Variants in RGS17 observed in about 807,000 individuals in gnomAD.
The protein encoded by RGS17 is regulator of G-protein signaling 17.
RGS17 carries 12 observed loss-of-function variants against 25.5 expected under a neutral mutation model. That is an observed-to-expected ratio of 0.47 (90% CI 0.30 to 0.76). RGS17 has a LOEUF of 0.76. Among genes scored for constraint, RGS17 ranks in the 30% least tolerant of loss-of-function variants. RGS17 has a pLI of 0.07. For missense variants in RGS17, 196 were observed against 242.2 expected, an observed-to-expected ratio of 0.81 and a Z score of 1.27; for synonymous variants, 71 against 76.9, an observed-to-expected ratio of 0.92 and a Z score of 0.40.
intron 2 of RGS17, among the ~76,000 whole-genome samples, chr6:153,039,050 T>C (rs1776288250): frequency 6.6e-6 from 1 of 152,156 alleles, no homozygotes; most frequent in African/African-American, 2.4e-5. Context: ...TCCAGTGCAG[T>C]GGGCCAAATC....
intron 1 of RGS17, among the ~76,000 whole-genome samples, chr6:153,104,588 A>G (rs1322895020): frequency 2.0e-5 from 3 of 152,250 alleles, no homozygotes; most frequent in African/African-American, 7.2e-5. Context: ...AATTTATTCA[A>G]TAAACATTTA....
intron 1 of RGS17, among the ~76,000 whole-genome samples, chr6:153,125,822 G>A (rs1393361010): frequency 6.6e-6 from 1 of 152,158 alleles, no homozygotes; most frequent in East Asian, 1.9e-4. Context: ...TCCAGCCTGG[G>A]TGACAGAGTG....
intron 2 of RGS17, among the ~76,000 whole-genome samples, chr6:153,035,840 T>C (rs985765981): frequency 7.2e-5 from 11 of 152,158 alleles, no homozygotes; most frequent in African/African-American, 2.7e-4. Flanking sequence ...GCTCACTCAT[T>C]TTCTCTGTCA....
At chr6:153,013,752 C>A (rs1333210636) in intron 4 of RGS17, among the ~76,000 whole-genome samples, 4 of 152,232 alleles carry the variant, frequency 2.6e-5, no homozygotes, top group Non-Finnish European at 5.9e-5. Context: ...CAAGCCACAA[C>A]ATTCCCTTAA....
At position 153,105,445 on chromosome 6, in the gene RGS17, T is replaced by C. The variant is rs1777365153; in HGVS notation, c.-26+25679A>G. On this transcript the variant is annotated intron_variant, in intron 1 of 4. Transcript: ENST00000206262. The stretch of plus-strand genomic sequence containing the variant: ...GCTCAGCCTCCTACCAAAAATAAAA[T>C]AAAATAAAAAATAAAAAGATGATTT... 2.0e-5 allele frequency among the ~76,000 whole-genome samples: 3 copies of C among 151,972 alleles called. 1 individual carries two copies. The highest frequency in any genetic ancestry group is 4.1e-4 in the South Asian group (2 of 4,820).
At chr6:153,070,962 TAC>T (rs1326417168) in intron 1 of RGS17, among the ~76,000 whole-genome samples, 5 of 149,688 alleles carry the variant, frequency 3.3e-5, no homozygotes, top group East Asian at 2.0e-4. Context: ...CATGTGTATA[TAC>T]ACGTGTATAT....
At chr6:153,082,273 C>T (rs1776996525) in intron 1 of RGS17, among the ~76,000 whole-genome samples, 2 of 152,142 alleles carry the variant, frequency 1.3e-5, no homozygotes, top group South Asian at 4.1e-4. Context: ...ATTTGGAAAA[C>T]TGTTGGCTAT....
At chr6:153,022,502 T>C (rs541668208) in intron 4 of RGS17, among the ~76,000 whole-genome samples, 4 of 152,292 alleles carry the variant, frequency 2.6e-5, no homozygotes, top group South Asian at 4.1e-4. Context: ...ACAGTCATCA[T>C]TTTAAGATGC....
intron 1 of RGS17, among the ~76,000 whole-genome samples, chr6:153,099,441 G>C (rs1777262284): frequency 6.6e-6 from 1 of 152,118 alleles, no homozygotes; most frequent in Non-Finnish European, 1.5e-5. Context: ...GACTTAACTT[G>C]AATTATTTTT....
chr6:153,045,093 T>A (rs1776371365), intron 1 of RGS17, among the ~76,000 whole-genome samples: 1 of 152,212 alleles, frequency 6.6e-6, no homozygotes, highest in Admixed American at 6.5e-5. Context: ...AATGATATTT[T>A]CAGTTCTGAA....
At chr6:153,080,926 C>T (rs941601597) in intron 1 of RGS17, among the ~76,000 whole-genome samples, 3 of 151,260 alleles carry the variant, frequency 2.0e-5, no homozygotes, top group African/African-American at 7.3e-5. Flanking sequence ...TTGTTAATTT[C>T]TAATTTAATT....
rs868580258 is a variant in RGS17, at chr6:153,099,730, G to A, written c.-26+31394C>T. 5.5e-4 allele frequency among the ~76,000 whole-genome samples: 83 copies of A among 152,256 alleles called. 3 individuals are homozygous for A. In the Middle Eastern group the frequency reaches 0.017, roughly 31 times the overall value. ...TCATTAGTTCAGTAACTAAGCGTAA[G>A]CAGATTACCTAAATTCTCTACACTT... On this transcript the variant is annotated intron_variant, in intron 1 of 4. Transcript: ENST00000206262.
intron 1 of RGS17, among the ~76,000 whole-genome samples, chr6:153,055,383 T>C (rs1165688713): frequency 6.6e-6 from 1 of 152,222 alleles, no homozygotes; most frequent in Non-Finnish European, 1.5e-5. Context: ...AACTATGGAC[T>C]GAAACTCTCA....
At chr6:153,107,063 T>A (rs1562335879) in intron 1 of RGS17, among the ~76,000 whole-genome samples, 4 of 151,992 alleles carry the variant, frequency 2.6e-5, no homozygotes. Flanking sequence ...CCGGGCATGG[T>A]GGCTCACGCC....
At chr6:153,114,669 G>A (rs577275747) in intron 1 of RGS17, among the ~76,000 whole-genome samples, 6 of 152,122 alleles carry the variant, frequency 3.9e-5, no homozygotes, top group East Asian at 1.9e-4. Context: ...ACATCGACGC[G>A]AAAATCCTCA....
intron 1 of RGS17, among the ~76,000 whole-genome samples, chr6:153,111,944 G>A (rs1160525162): frequency 6.6e-6 from 1 of 152,154 alleles, no homozygotes; most frequent in African/African-American, 2.4e-5. Context: ...CAACATCAAA[G>A]ACCAAAGGTA....
At chr6:153,098,953 A>G (rs763456984) in intron 1 of RGS17, among the ~76,000 whole-genome samples, 14 of 152,266 alleles carry the variant, frequency 9.2e-5, no homozygotes, top group Admixed American at 5.9e-4. Context: ...TTTGGGGTCA[A>G]TGTTAAGTGA....
intron 1 of RGS17, among the ~76,000 whole-genome samples, chr6:153,122,678 GAT>G (rs1460635332): frequency 3.9e-5 from 6 of 151,912 alleles, no homozygotes; most frequent in Non-Finnish European, 8.8e-5. Context: ...TTGAGCTCTT[GAT>G]ATGTTTTAAA....
At position 153,054,043 on chromosome 6, in the gene RGS17, G is replaced by A. The variant is rs1409891048; in HGVS notation, c.-25-10000C>T. The stretch of plus-strand genomic sequence containing the variant: ...GTATATAATATATATACATATATAT[G>A]TATATATGTATATAATATATATACA... On this transcript the variant is annotated intron_variant, in intron 1 of 4. Transcript: ENST00000206262. 3.9e-3 allele frequency among the ~76,000 whole-genome samples: 162 copies of A among 41,728 alleles called. 13 individuals are homozygous for A. Among genetic ancestry groups the A allele is most frequent in the Admixed American group, 0.014 (43 of 2,982 alleles). 27.4% of individuals were successfully genotyped at this position (41,728 alleles called of 152,430 possible). A position where few individuals can be genotyped will look rare whatever the true frequency, so the allele number is the denominator to read the frequency against.
Sources: gnomAD v4.1 joint callset for allele counts (sites outside exome capture counted in the v4.1 genomes callset) on GRCh38, gnomAD v4.1.1 for gene constraint, MANE v1.5 for transcripts, NCBI Gene and HGNC (gene_info 2026-07-23, HGNC 2026-07-21) for gene names.